The following TGFA variants were observed in gnomAD, a reference collection of about 807,000 sequenced individuals.
TGFA encodes protransforming growth factor alpha.
TGFA carries 12 observed loss-of-function variants against 21.7 expected under a neutral mutation model. That is an observed-to-expected ratio of 0.55 (90% confidence interval 0.35 to 0.90). The LOEUF is 0.90. TGFA is among the 40% of genes least tolerant of loss of function. The pLI is 0.01. For missense variants in TGFA, 178 were observed against 210.8 expected (o/e 0.84, Z 0.96); for synonymous variants, 79 against 88.1 (o/e 0.90, Z 0.58).
intron 1 of TGFA, among the ~76,000 whole-genome samples, chr2:70,547,153 C>G (rs1673330462): frequency 6.6e-6 from 1 of 152,090 alleles, no homozygotes; most frequent in South Asian, 2.1e-4. Flanking sequence ...GGTTAATATT[C>G]CCACAACAAT....
At chr2:70,544,966 C>T (rs1673246797) in intron 1 of TGFA, among the ~76,000 whole-genome samples, 1 of 151,722 alleles carries the variant, frequency 6.6e-6, no homozygotes, top group Non-Finnish European at 1.5e-5. Context: ...GAACAGAGGA[C>T]TATAGTCAAT....
At chr2:70,543,722 G>A (rs1380161397) in intron 1 of TGFA, among the ~76,000 whole-genome samples, 6 of 151,992 alleles carry the variant, frequency 3.9e-5, no homozygotes, top group Non-Finnish European at 8.8e-5. Context: ...ACTAAAAAGG[G>A]ACCAGGCCAG....
At chr2:70,519,573 G>A (rs1672386641) in intron 1 of TGFA, among the ~76,000 whole-genome samples, 1 of 152,216 alleles carries the variant, frequency 6.6e-6, no homozygotes, top group Non-Finnish European at 1.5e-5. Context: ...CTGGTAGGAT[G>A]AGCGTACCAT....
At chr2:70,466,188 T>C (rs923717190) in intron 2 of TGFA, among the ~76,000 whole-genome samples, 4 of 152,214 alleles carry the variant, frequency 2.6e-5, no homozygotes, top group African/African-American at 9.7e-5. Context: ...AAGGTGCTTA[T>C]GATATACAGT....
At chr2:70,519,700 T>A (rs1465877765) in intron 1 of TGFA, among the ~76,000 whole-genome samples, 1 of 152,226 alleles carries the variant, frequency 6.6e-6, no homozygotes, top group Non-Finnish European at 1.5e-5. Flanking sequence ...GATTATGACA[T>A]CACAGGAAAT....
chr2:70,526,206 C>T (rs561041322), intron 1 of TGFA, among the ~76,000 whole-genome samples: 1 of 152,306 alleles, frequency 6.6e-6, no homozygotes, highest in Admixed American at 6.5e-5. Flanking sequence ...TCAGCCTGTG[C>T]CTGTCTTGTC....
At position 70,456,403 on chromosome 2, in the gene TGFA, T is replaced by C. The variant is rs781983111; in HGVS notation, c.301A>G (p.Thr101Ala). 45 of 1,589,354 alleles carry C rather than the reference T, an allele frequency of 2.8e-5. No individual in the cohort carries two copies. Among genetic ancestry groups the C allele is most frequent in the Non-Finnish European group, 3.7e-5 (43 of 1,168,096 alleles). ...ACGATGGAGACCACCACCAAGGCGG[T>C]GATGGCCTGCTTCTTCTGGCTGGCA... ...VAASQKKQAI[T>A]ALVVVSIVAL... The change falls in exon 4 of 6, where the codon ACC becomes GCC. Residue 101 changes from threonine to alanine, a missense_variant. Coordinates refer to ENST00000295400, the MANE Select transcript of TGFA (RefSeq NM_003236.4).
chr2:70,474,089 T>C (rs995591150), intron 2 of TGFA, among the ~76,000 whole-genome samples: 10 of 152,248 alleles, frequency 6.6e-5, no homozygotes, highest in Non-Finnish European at 1.5e-5. Flanking sequence ...CCCTATTTGC[T>C]TTTTAACTTT....
At chr2:70,490,977 C>T (rs539522215) in intron 2 of TGFA, among the ~76,000 whole-genome samples, 2 of 152,282 alleles carry the variant, frequency 1.3e-5, no homozygotes, top group East Asian at 3.9e-4. Context: ...TTTCCCCAAG[C>T]AGATCAGGTT....
intron 2 of TGFA, among the ~76,000 whole-genome samples, chr2:70,499,908 A>T (rs1396816362): frequency 2.0e-5 from 3 of 152,262 alleles, no homozygotes; most frequent in African/African-American, 4.8e-5. Context: ...TGAAATAAAC[A>T]TAAGCCGCAT....
chr2:70,502,838 C>T (rs1248914079), intron 2 of TGFA, among the ~76,000 whole-genome samples: 3 of 152,172 alleles, frequency 2.0e-5, no homozygotes, highest in African/African-American at 4.8e-5. Flanking sequence ...ATAGGACTTA[C>T]CTGTGTCCTA....
chr2:70,473,068 C>G (rs1670806070), intron 2 of TGFA, among the ~76,000 whole-genome samples: 1 of 152,186 alleles, frequency 6.6e-6, no homozygotes. Flanking sequence ...GGGTATAAAT[C>G]TGATACTCCC....
At chr2:70,478,316 C>G (rs192559500) in intron 2 of TGFA, among the ~76,000 whole-genome samples, 2 of 152,302 alleles carry the variant, frequency 1.3e-5, no homozygotes, top group African/African-American at 2.4e-5. Flanking sequence ...GATGGAAATG[C>G]TATACAGCTG....
intron 1 of TGFA, among the ~76,000 whole-genome samples, chr2:70,546,944 TTAAA>T (rs1188161032): frequency 2.6e-5 from 4 of 152,218 alleles, no homozygotes; most frequent in African/African-American, 9.6e-5. Flanking sequence ...AGAAATCTCC[TTAAA>T]TAATTATAGC....
chr2:70,470,326 C>A (rs183326193), intron 2 of TGFA, among the ~76,000 whole-genome samples: 2 of 152,144 alleles, frequency 1.3e-5, no homozygotes, highest in South Asian at 2.1e-4. Flanking sequence ...GAAAATCACA[C>A]GCACATGCCA....
intron 2 of TGFA, among the ~76,000 whole-genome samples, chr2:70,491,733 C>G (rs781841323): frequency 2.0e-5 from 3 of 152,148 alleles, no homozygotes; most frequent in Non-Finnish European, 4.4e-5. Flanking sequence ...GCAAAAGACA[C>G]TTTTTGCTGT....
intron 1 of TGFA, among the ~76,000 whole-genome samples, chr2:70,549,488 A>G (rs1673420236): frequency 6.6e-6 from 1 of 152,188 alleles, no homozygotes; most frequent in Admixed American, 6.5e-5. Context: ...TCACAACCGC[A>G]GTGGAGGAGG....
intron 1 of TGFA, among the ~76,000 whole-genome samples, chr2:70,525,148 T>C (rs782794508): frequency 4.6e-5 from 7 of 152,334 alleles, no homozygotes; most frequent in Non-Finnish European, 1.0e-4. Context: ...ATCCTTGAAC[T>C]CTGTCCCATT....
In TGFA at chr2:70,501,040, C is replaced by T. The variant is rs1174199347; in HGVS notation, c.94+13819G>A. Among the ~76,000 whole-genome samples, 12 of 150,982 alleles carry T rather than the reference C, an allele frequency of 7.9e-5. No homozygotes were observed. The South Asian group carries it at 2.5e-3, about 31-fold the overall frequency. On this transcript the variant is annotated intron_variant, in intron 2 of 5. Coordinates refer to ENST00000295400, the MANE Select transcript of TGFA (RefSeq NM_003236.4). Reference sequence around the variant, plus strand: ...TCTCTGTTTTCTTCTAGTAGTTTCACAGTTTCAGATCTTACTTTTAAGTCT... The same window carrying T: ...TCTCTGTTTTCTTCTAGTAGTTTCATAGTTTCAGATCTTACTTTTAAGTCT...
Sources: allele counts gnomAD v4.1 joint callset (sites outside exome capture counted in the v4.1 genomes callset), GRCh38; gene constraint gnomAD v4.1.1; transcripts MANE v1.5; gene names NCBI Gene and HGNC (gene_info 2026-07-23, HGNC 2026-07-21).